The following CFAP251 variants were observed in gnomAD, a reference collection of about 807,000 sequenced individuals.
CFAP251 encodes the protein cilia and flagella associated protein 251, also known as cilia- and flagella-associated protein 251.
CFAP251 carries 93 observed loss-of-function variants against 126.7 expected under a neutral mutation model. That is an observed-to-expected ratio of 0.73 (90% confidence interval 0.62 to 0.87). CFAP251 has a LOEUF of 0.87. Among genes scored for constraint, CFAP251 ranks in the 40% least tolerant of loss-of-function variants. The probability of loss-of-function intolerance (pLI) is 0.00; values close to 1 mark genes in which losing one functional copy is unlikely to be tolerated. For missense variants in CFAP251, 1,287 were observed against 1,389.2 expected, an observed-to-expected ratio of 0.93 and a Z score of 1.17; for synonymous variants, 503 against 506.9, an observed-to-expected ratio of 0.99 and a Z score of 0.10.
chr12:121,940,978 C>T (rs1306343867), intron 5 of CFAP251, among the ~76,000 whole-genome samples: 1 of 152,130 alleles, frequency 6.6e-6, no homozygotes, highest in Admixed American at 6.5e-5. Context: ...CAATCTACCT[C>T]ATTCTTTTTG....
intron 19 of CFAP251, among the ~76,000 whole-genome samples, chr12:121,977,024 G>A (rs996031167): frequency 6.6e-6 from 1 of 152,122 alleles, no homozygotes; most frequent in African/African-American, 2.4e-5. Flanking sequence ...ATCATTTAAT[G>A]TTGGGGAGAT....
chr12:121,919,147 T>TA (rs386377994), intron 1 of CFAP251, among the ~76,000 whole-genome samples: 39 of 150,688 alleles, frequency 2.6e-4, no homozygotes, highest in East Asian at 1.2e-3. Context: ...ATTATTATTT[T>TA]TTTTTTACCA....
intron 19 of CFAP251, among the ~76,000 whole-genome samples, chr12:121,977,191 G>A (rs1014051000): frequency 6.6e-6 from 1 of 152,148 alleles, no homozygotes; most frequent in Non-Finnish European, 1.5e-5. Flanking sequence ...CGGCTGTACT[G>A]CATATTGTAG....
rs1300113578 is a variant in CFAP251, at chr12:121,954,226, A to C, written c.1427A>C (p.His476Pro). 3 of 1,613,982 alleles carry C rather than the reference A, an allele frequency of 1.9e-6. No individual in the cohort carries two copies. In the African/African-American group the frequency reaches 4.0e-5, roughly 22 times the overall value. ...MEGKLVVWDI[H>P]RPPSSASTFL... is the part of the protein sequence containing the mutation. The stretch of plus-strand genomic sequence containing the variant: ...GGGAAGCTGGTTGTCTGGGACATAC[A>C]CCGCCCACCCTCATCTGCCTCCACC... Residue 476 changes from histidine (H) to proline (P), a missense_variant, in exon 10 of 22, where the codon CAC (histidine) becomes CCC (proline). By Grantham distance (77) the His-to-Pro change is moderately conservative. Transcript: ENST00000288912.
intron 5 of CFAP251, among the ~76,000 whole-genome samples, chr12:121,940,514 G>C (rs1167480778): frequency 6.6e-6 from 1 of 152,098 alleles, no homozygotes; most frequent in Non-Finnish European, 1.5e-5. Flanking sequence ...TATCTTCACT[G>C]TATCTAGGAC....
At chr12:121,980,017 C>T (rs1240531714) in intron 19 of CFAP251, among the ~76,000 whole-genome samples, 1 of 152,230 alleles carries the variant, frequency 6.6e-6, no homozygotes, top group Non-Finnish European at 1.5e-5. Context: ...CTCTTTAGGC[C>T]TCGCTTTCTG....
intron 13 of CFAP251, 114 bp downstream of exon 13, chr12:121,959,208 GGGAGGATCATT>G (rs1881840580): frequency 8.8e-7 from 1 of 1,132,214 alleles, no homozygotes; most frequent in South Asian, 1.8e-5. Flanking sequence ...AGGCCGAGGT[GGGAGGATCATT>G]GGAGGACAGG....
At chr12:121,964,942 T>G (rs1473772681) in intron 15 of CFAP251, among the ~76,000 whole-genome samples, 2 of 152,102 alleles carry the variant, frequency 1.3e-5, no homozygotes, top group East Asian at 3.9e-4. Context: ...AAGTGAACAG[T>G]TCCATGGCAT....
chr12:121,954,060 G>C, intron 9 of CFAP251, 60 bp from the exon 10 acceptor site: 1 of 1,413,440 alleles, frequency 7.1e-7, no homozygotes, highest in Non-Finnish European at 9.9e-7. Context: ...ATATCGTATT[G>C]ATAAATGCTT....
Position 121,931,791 on chromosome 12 carries a change from T to A in CFAP251, c.793T>A (p.Tyr265Asn). Reference protein sequence around the residue: ...FGWNSSLPVYYIREERQRVLL... With the variant: ...FGWNSSLPVYNIREERQRVLL... ...ATGGAACAGTTCTCTTCCTGTTTACTATATTCGAGAGGAAAGGCAGAGAGT... is the reference window on the plus strand; with the variant it reads ...ATGGAACAGTTCTCTTCCTGTTTACAATATTCGAGAGGAAAGGCAGAGAGT... The change falls in exon 4 of 22, where the codon TAT becomes AAT. Residue 265 changes from tyrosine (Y) to asparagine (N), a missense_variant. By Grantham distance (143) the Tyr-to-Asn change is moderately radical (BLOSUM62 -2). Coordinates refer to ENST00000288912, the MANE Select transcript of CFAP251 (RefSeq NM_144668.6). 6.2e-7 allele frequency: 1 copy of A among 1,603,736 alleles called. No individual in the cohort carries two copies. Among genetic ancestry groups the A allele is most frequent in the East Asian group, 2.3e-5 (1 of 44,028 alleles).
intron 19 of CFAP251, among the ~76,000 whole-genome samples, chr12:121,978,891 A>G (rs1882548297): frequency 6.6e-6 from 1 of 152,196 alleles, no homozygotes; most frequent in East Asian, 1.9e-4. Context: ...GTCATAGTGC[A>G]AGAAGTAGAA....
intron 2 of CFAP251, 109 bp downstream of exon 2, chr12:121,921,792 C>CTTTTTTTTTT: frequency 1.3e-6 from 1 of 796,278 alleles, no homozygotes. Flanking sequence ...CAATCCATTC[C>CTTTTTTTTTT]TTTTTTTTTT....
intron 10 of CFAP251, among the ~76,000 whole-genome samples, chr12:121,955,188 G>A (rs1306815492): frequency 6.6e-6 from 1 of 152,104 alleles, no homozygotes; most frequent in Non-Finnish European, 1.5e-5. Context: ...CAGCATCTTG[G>A]GAAGCTGAGG....
Position 121,958,431 on chromosome 12 carries a change from C to T in CFAP251, c.1890C>T (p.Ile630=). The T allele has an allele frequency of 6.2e-7, 1 of 1,614,212 alleles. No individual in the cohort carries two copies. The highest frequency in any genetic ancestry group is 8.5e-7 in the Non-Finnish European group (1 of 1,180,030). Residue 630 remains isoleucine (I), a synonymous_variant, in exon 12 of 22, where the codon ATC becomes ATT. Transcript: ENST00000288912. The part of the protein sequence containing the change: ...LIAIGSICGM[I]KVWNYENKQY... ...CCATCGGGAGCATCTGTGGGATGAT[C>T]AAAGTGTGGAATTATGAAAACAAAC...
At chr12:121,919,270 T>C (rs1010627999) in intron 1 of CFAP251, among the ~76,000 whole-genome samples, 5 of 152,152 alleles carry the variant, frequency 3.3e-5, no homozygotes, top group African/African-American at 1.2e-4. Flanking sequence ...TTGAGTTCTC[T>C]TATTCTAATG....
rs765025404 is a variant in CFAP251, at chr12:121,942,633, T to C, written c.1098T>C (p.Asp366=). 1.2e-5 allele frequency: 20 copies of C among 1,612,296 alleles called. No individual in the cohort carries two copies. The East Asian group carries it at 3.8e-4, about 31-fold the overall frequency. Residue 366 remains aspartate, a synonymous_variant, in exon 6 of 22, where the codon GAT becomes GAC. Transcript: ENST00000288912. ...HDAKYLATIS[D]AEVQKVCIWK... ...CCAAGTATCTGGCAACCATCTCAGA[T>C]GCTGAAGTCCAGGTAAAGGCCCTGG... is the stretch of plus-strand genomic sequence containing the variant.
rs1324309706 is a variant in CFAP251, at chr12:122,001,349, C to A, written c.3236-148C>A. Reference sequence around the variant, plus strand: ...GGGATTACAGGCATGAGCCACCACGCCCAGCCTAAATTTTTTTTTCAATTG... The same window carrying A: ...GGGATTACAGGCATGAGCCACCACGACCAGCCTAAATTTTTTTTTCAATTG... On this transcript the variant is annotated intron_variant, in intron 20 of 21. Transcript: ENST00000288912. 7.0e-6 allele frequency: 5 copies of A among 710,402 alleles called. No homozygotes were observed. The East Asian group carries it at 1.1e-4, about 16-fold the overall frequency. 44.0% of individuals were successfully genotyped at this position (710,402 alleles called of 1,614,324 possible). A position where few individuals can be genotyped will look rare whatever the true frequency, so the allele number is the denominator to read the frequency against.
intron 6 of CFAP251, 119 bp downstream of exon 6, chr12:121,942,764 A>G (rs1407436107): frequency 7.2e-6 from 9 of 1,250,710 alleles, no homozygotes; most frequent in Non-Finnish European, 1.0e-5. Flanking sequence ...TCAAAAGACC[A>G]GACTCCACAG....
At chr12:121,949,158 C>G in intron 8 of CFAP251, 97 bp downstream of exon 8, 1 of 711,494 alleles carries the variant, frequency 1.4e-6, no homozygotes. Flanking sequence ...TATAGTATCT[C>G]TACTTAGGAA....
Sources: allele counts gnomAD v4.1 joint callset (sites outside exome capture counted in the v4.1 genomes callset), GRCh38; gene constraint gnomAD v4.1.1; transcripts MANE v1.5; gene names NCBI Gene and HGNC (gene_info 2026-07-23, HGNC 2026-07-21).